Variants in CNTNAP5 observed in about 807,000 individuals in gnomAD.
The protein encoded by CNTNAP5 is contactin associated protein family member 5.
A neutral mutation model predicts 150.2 loss-of-function variants in CNTNAP5; 72 were observed. The ratio of observed to expected loss-of-function variants is 0.48; its 90% CI spans 0.40 to 0.58. The LOEUF (loss-of-function observed/expected upper bound fraction) is 0.58, where lower values mean the gene tolerates loss of function less well. CNTNAP5 is among the 20% of genes least tolerant of loss of function. The pLI, the probability that CNTNAP5 is intolerant of heterozygous loss-of-function variation, is 0.00. For missense variants in CNTNAP5, 1,636 were observed against 1,626.2 expected (o/e 1.01, Z -0.10); for synonymous variants, 672 against 619.8 (o/e 1.08, Z -1.25).
intron 13 of CNTNAP5, among the ~76,000 whole-genome samples, chr2:124,716,522 A>G (rs954324303): frequency 6.6e-6 from 1 of 151,762 alleles, no homozygotes; most frequent in East Asian, 1.9e-4. Context: ...AATTCTAAAT[A>G]TCTTTAATAG....
chr2:124,527,069 G>A (rs554631013), intron 9 of CNTNAP5, among the ~76,000 whole-genome samples: 4 of 152,102 alleles, frequency 2.6e-5, no homozygotes, highest in South Asian at 2.1e-4. Context: ...CCTTTGCCAC[G>A]CTTTTTATTT....
chr2:124,100,842 G>A (rs1321995706), intron 1 of CNTNAP5, among the ~76,000 whole-genome samples: 3 of 141,094 alleles, frequency 2.1e-5, no homozygotes, highest in Non-Finnish European at 4.5e-5. Context: ...TACAGCCTGG[G>A]CAAAAAAGTG....
At chr2:124,328,227 G>A (rs1246400635) in intron 3 of CNTNAP5, among the ~76,000 whole-genome samples, 1 of 151,838 alleles carries the variant, frequency 6.6e-6, no homozygotes, top group Non-Finnish European at 1.5e-5. Flanking sequence ...TGGTACTTTA[G>A]AGTAAAAATT....
intron 3 of CNTNAP5, among the ~76,000 whole-genome samples, chr2:124,326,178 G>A (rs1689211628): frequency 6.6e-6 from 1 of 152,218 alleles, no homozygotes; most frequent in African/African-American, 2.4e-5. Flanking sequence ...CTTTGTGGAA[G>A]GCTCATCATC....
chr2:124,172,753 C>T (rs1684963159), intron 1 of CNTNAP5, among the ~76,000 whole-genome samples: 1 of 130,586 alleles, frequency 7.7e-6, no homozygotes, highest in African/African-American at 2.9e-5. Context: ...TAAATGCTTG[C>T]TCTCTCTCTG....
rs536127485 is a variant in CNTNAP5 at position 124,299,606 on chromosome 2, G to T, written c.381+57213G>T. ...TCTATCATTGATGAGCATTTAGGTCGATTCCATGTCTTTGCTGTTGTGAAT... is the reference window on the plus strand; with the variant it reads ...TCTATCATTGATGAGCATTTAGGTCTATTCCATGTCTTTGCTGTTGTGAAT... On this transcript the variant is annotated intron_variant, in intron 3 of 23. Coordinates refer to ENST00000682447, the MANE Select transcript of CNTNAP5 (RefSeq NM_001367498.1). 2.8e-5 allele frequency among the ~76,000 whole-genome samples: 4 copies of T among 144,036 alleles called. No individual in the cohort carries two copies. In the South Asian group the frequency reaches 9.8e-4, roughly 35 times the overall value. The allele number at this position is 144,036 out of a possible 152,430, so 94.5% of individuals were successfully genotyped here.
chr2:124,713,315 T>TTTCCTTCC lies in CNTNAP5; in HGVS notation c.2078-33908_2078-33907insCCTTCCTT, dbSNP rs746657800. ...TTTCTTTCTTTCTTCTTTCTCTTTC[T>TTTCCTTCC]TTCCTTTCTTTCTTTCTTTCTTTCT... is the stretch of plus-strand genomic sequence containing the variant. On this transcript the variant is annotated intron_variant, in intron 13 of 23. Transcript: ENST00000682447. Among the ~76,000 whole-genome samples, 9 of 96,756 alleles carry TTTCCTTCC rather than the reference T, an allele frequency of 9.3e-5. No homozygotes were observed. The South Asian group carries it at 2.1e-3, about 23-fold the overall frequency. The allele number at this position is 96,756 out of a possible 152,430, so 63.5% of individuals were successfully genotyped here.
chr2:124,240,134 A>G (rs565452084), intron 2 of CNTNAP5, among the ~76,000 whole-genome samples: 1 of 152,290 alleles, frequency 6.6e-6, no homozygotes, highest in East Asian at 1.9e-4. Context: ...CTATTTACTT[A>G]AAAGGATATT....
chr2:124,133,507 T>C (rs1443856114), intron 1 of CNTNAP5, among the ~76,000 whole-genome samples: 1 of 152,138 alleles, frequency 6.6e-6, no homozygotes, highest in Non-Finnish European at 1.5e-5. Flanking sequence ...TGTCATTCTT[T>C]CTATAGGAAA....
rs142969738 is a variant in CNTNAP5, at chr2:124,238,501, T to C, written c.188-3699T>C. On this transcript the variant is annotated intron_variant, in intron 2 of 23. Transcript: ENST00000682447. ...TAGCCTCCAAATCATTTTGGATCTTTTGTTTGTCAAACATTTAAACAATTC... is the reference window on the plus strand; with the variant it reads ...TAGCCTCCAAATCATTTTGGATCTTCTGTTTGTCAAACATTTAAACAATTC... Among the ~76,000 whole-genome samples the C allele has an allele frequency of 1.1e-4, 17 of 152,324 alleles. No individual in the cohort carries two copies. In the East Asian group the frequency reaches 3.3e-3, roughly 29 times the overall value.
intron 19 of CNTNAP5, among the ~76,000 whole-genome samples, chr2:124,860,133 T>C (rs1372580095): frequency 1.3e-5 from 2 of 151,424 alleles, no homozygotes; most frequent in Non-Finnish European, 2.9e-5. Flanking sequence ...GGGTGGATCA[T>C]GAGGTCAGGA....
intron 10 of CNTNAP5, among the ~76,000 whole-genome samples, chr2:124,537,663 T>A (rs1383174114): frequency 2.0e-5 from 3 of 152,166 alleles, no homozygotes; most frequent in African/African-American, 7.2e-5. Flanking sequence ...TTAATGAGGG[T>A]TTCCTTCCCC....
At chr2:124,044,980 G>T (rs921080745) in intron 1 of CNTNAP5, among the ~76,000 whole-genome samples, 1 of 151,692 alleles carries the variant, frequency 6.6e-6, no homozygotes, top group African/African-American at 2.4e-5. Context: ...CATCCAAAGA[G>T]TAAGAAATAC....
intron 10 of CNTNAP5, among the ~76,000 whole-genome samples, chr2:124,548,677 A>T (rs1695568949): frequency 6.6e-6 from 1 of 152,116 alleles, no homozygotes; most frequent in African/African-American, 2.4e-5. Context: ...AAAGAAAAAA[A>T]CACAGTCTAT....
intron 3 of CNTNAP5, among the ~76,000 whole-genome samples, chr2:124,317,808 A>G (rs1161103154): frequency 6.6e-6 from 1 of 152,112 alleles, no homozygotes; most frequent in Admixed American, 6.5e-5. Context: ...ATACACACGT[A>G]GGTGCACCCT....
At chr2:124,118,179 T>C (rs942350694) in intron 1 of CNTNAP5, among the ~76,000 whole-genome samples, 1 of 152,182 alleles carries the variant, frequency 6.6e-6, no homozygotes. Context: ...AATATATGTA[T>C]ATATCTTTTT....
chr2:124,151,875 G>T (rs1919839), intron 1 of CNTNAP5, among the ~76,000 whole-genome samples: 49,311 of 152,042 alleles, frequency 0.32, 8,967 homozygotes, highest in Admixed American at 0.4. Context: ...GTGTCCTCAG[G>T]CATATAACCA....
intron 8 of CNTNAP5, among the ~76,000 whole-genome samples, chr2:124,510,925 T>G (rs1008512625): frequency 6.6e-6 from 1 of 152,128 alleles, no homozygotes; most frequent in Non-Finnish European, 1.5e-5. Flanking sequence ...ATAACCTAAT[T>G]TATATATTTT....
intron 12 of CNTNAP5, among the ~76,000 whole-genome samples, chr2:124,640,565 C>T (rs903114592): frequency 6.6e-6 from 1 of 152,170 alleles, no homozygotes; most frequent in African/African-American, 2.4e-5. Context: ...CTCGCACAGA[C>T]AGCTGGGCTG....
Sources: gnomAD v4.1 joint callset for allele counts (sites outside exome capture counted in the v4.1 genomes callset) on GRCh38, gnomAD v4.1.1 for gene constraint, MANE v1.5 for transcripts, NCBI Gene and HGNC (gene_info 2026-07-23, HGNC 2026-07-21) for gene names.